Variants in PIK3C3 observed in about 807,000 individuals in gnomAD.
PIK3C3 encodes the protein PI3-kinase type 3.
A neutral mutation model predicts 126.1 loss-of-function variants in PIK3C3; 95 were observed. The observed-to-expected ratio is 0.75, with a 90% CI of 0.64 to 0.89. PIK3C3 has a LOEUF of 0.89. Among genes scored for constraint, PIK3C3 ranks in the 40% least tolerant of loss-of-function variants. PIK3C3 has a pLI of 0.00. For missense variants in PIK3C3, 829 were observed against 1,063.2 expected, an observed-to-expected ratio of 0.78 and a Z score of 3.06; for synonymous variants, 374 against 360.0, an observed-to-expected ratio of 1.04 and a Z score of -0.44.
intron 9 of PIK3C3, among the ~76,000 whole-genome samples, chr18:42,001,168 A>C (rs1982268513): frequency 6.6e-6 from 1 of 152,252 alleles, no homozygotes; most frequent in African/African-American, 2.4e-5. Flanking sequence ...ATAGTAACAC[A>C]TATAGTAAAG....
intron 3 of PIK3C3, among the ~76,000 whole-genome samples, chr18:41,968,551 T>G (rs1233921157): frequency 2.0e-5 from 3 of 152,218 alleles, no homozygotes; most frequent in Admixed American, 6.5e-5. Context: ...TTACTAGAAT[T>G]ATCTGTTTTA....
chr18:42,031,746 A>G (rs142274846), intron 15 of PIK3C3, among the ~76,000 whole-genome samples: 44 of 152,340 alleles, frequency 2.9e-4, no homozygotes, highest in African/African-American at 1.0e-3. Context: ...AAAATAAATT[A>G]ACACTTTCAC....
intron 1 of PIK3C3, 105 bp from the exon 2 acceptor site, chr18:41,957,465 T>C: frequency 9.2e-7 from 1 of 1,088,314 alleles, no homozygotes; most frequent in South Asian, 1.6e-5. Flanking sequence ...TACTTATGCA[T>C]ATATGTACAT....
intron 22 of PIK3C3, among the ~76,000 whole-genome samples, chr18:42,058,781 A>G (rs1007982604): frequency 5.3e-5 from 8 of 152,344 alleles, no homozygotes; most frequent in African/African-American, 1.9e-4. Context: ...AATTTAGGAC[A>G]TGGCTCTGAT....
rs536500378 is a variant in PIK3C3, at chr18:42,024,715, G to A, written c.1485-2728G>A. On this transcript the variant is annotated intron_variant, in intron 13 of 24. Transcript: ENST00000262039. Reference sequence around the variant, plus strand: ...CTCCCAAAGTGTTGGGATTGCAGGTGTGAACCACCACACCTGGCAGACTTG... The same window carrying A: ...CTCCCAAAGTGTTGGGATTGCAGGTATGAACCACCACACCTGGCAGACTTG... 3.9e-5 allele frequency among the ~76,000 whole-genome samples: 6 copies of A among 152,038 alleles called. No homozygotes were observed. In the East Asian group the frequency reaches 1.2e-3, roughly 30 times the overall value.
intron 4 of PIK3C3, among the ~76,000 whole-genome samples, chr18:41,981,669 G>T (rs549810609): frequency 5.0e-4 from 76 of 151,928 alleles, no homozygotes; most frequent in Middle Eastern, 3.4e-3. Context: ...ATAAATTACG[G>T]CATAGCTTGG....
At chr18:41,957,421 G>A in intron 1 of PIK3C3, 149 bp from the exon 2 acceptor site, 2 of 632,036 alleles carry the variant, frequency 3.2e-6, no homozygotes, top group Non-Finnish European at 5.1e-6. Context: ...TGTTGTTTAG[G>A]TAGCATACCT....
intron 22 of PIK3C3, among the ~76,000 whole-genome samples, chr18:42,064,252 A>C (rs1425189123): frequency 6.6e-6 from 1 of 152,122 alleles, no homozygotes; most frequent in Non-Finnish European, 1.5e-5. Flanking sequence ...TAGTTCCTGA[A>C]ATGATGATTG....
At chr18:42,078,069 C>T (rs772353147) in intron 24 of PIK3C3, among the ~76,000 whole-genome samples, 13 of 152,106 alleles carry the variant, frequency 8.5e-5, no homozygotes, top group Non-Finnish European at 1.9e-4. Flanking sequence ...TAGGCTTCAA[C>T]AGTGGGCTTA....
chr18:42,057,988 C>T lies in PIK3C3; in HGVS notation c.2369C>T (p.Thr790Ile), dbSNP rs1985147110. ...GAAATGGTAGAAGGAATGGGGGGCACACAGAGTGAGCAGTACCAAGAGTTC... is the reference window on the plus strand; with the variant it reads ...GAAATGGTAGAAGGAATGGGGGGCATACAGAGTGAGCAGTACCAAGAGTTC... ...NKEMVEGMGG[T>I]QSEQYQEFRK... Residue 790 changes from threonine to isoleucine, a missense_variant, in exon 22 of 25, where the codon ACA (threonine) becomes ATA (isoleucine). Coordinates refer to ENST00000262039, the MANE Select transcript of PIK3C3 (RefSeq NM_002647.4). 2.5e-6 allele frequency: 4 copies of T among 1,613,366 alleles called. No homozygotes were observed. The highest frequency in any genetic ancestry group is 3.4e-6 in the Non-Finnish European group (4 of 1,179,696).
Position 42,037,672 on chromosome 18 carries a change from T to G in PIK3C3, c.1840-20T>G, listed in dbSNP as rs1028768920. On this transcript the variant is annotated intron_variant, in intron 16 of 24. Transcript: ENST00000262039. ...CATTAATTCATGGCCAAATTTGAAA[T>G]CAATATTTTTATTTTCCAGAGTGCC... The G allele has an allele frequency of 1.6e-5, 26 of 1,594,742 alleles. No individual in the cohort carries two copies. Among genetic ancestry groups the G allele is most frequent in the Non-Finnish European group, 2.2e-5 (26 of 1,167,636 alleles).
chr18:41,957,267 T>A (rs1218602479), intron 1 of PIK3C3, among the ~76,000 whole-genome samples: 2 of 152,150 alleles, frequency 1.3e-5, no homozygotes, highest in African/African-American at 4.8e-5. Context: ...AGAGGGTAGA[T>A]CAAGGGTCAA....
chr18:42,001,576 C>A (rs1461606694), intron 9 of PIK3C3, among the ~76,000 whole-genome samples: 4 of 152,116 alleles, frequency 2.6e-5, no homozygotes, highest in Non-Finnish European at 5.9e-5. Context: ...TTCTTTGACT[C>A]CTTGTTTTCT....
chr18:41,992,356 G>C (rs1170178785), intron 6 of PIK3C3, among the ~76,000 whole-genome samples: 1 of 152,192 alleles, frequency 6.6e-6, no homozygotes, highest in Admixed American at 6.5e-5. Flanking sequence ...AACAACGGCT[G>C]TGGGAATTTG....
Position 42,005,725 on chromosome 18 carries a change from T to G in PIK3C3, c.1170+1184T>G, listed in dbSNP as rs934901657. On this transcript the variant is annotated intron_variant, in intron 10 of 24. Coordinates refer to ENST00000262039, the MANE Select transcript of PIK3C3 (RefSeq NM_002647.4). The stretch of plus-strand genomic sequence containing the variant: ...GGACAGTGAGATCATTTTGAATTAG[T>G]GGTATCTGAATTTCAAGAAGCAAAT... Among the ~76,000 whole-genome samples, 7 of 145,252 alleles carry G rather than the reference T, an allele frequency of 4.8e-5. No homozygotes were observed. The East Asian group carries it at 1.0e-3, about 22-fold the overall frequency.
intron 21 of PIK3C3, among the ~76,000 whole-genome samples, chr18:42,055,222 T>G (rs1985010700): frequency 6.6e-6 from 1 of 152,074 alleles, no homozygotes; most frequent in Non-Finnish European, 1.5e-5. Flanking sequence ...GCTTCGTACC[T>G]CCCCTCTCAT....
At chr18:41,992,351 C>T (rs186702570) in intron 6 of PIK3C3, among the ~76,000 whole-genome samples, 4 of 152,136 alleles carry the variant, frequency 2.6e-5, no homozygotes, top group East Asian at 1.9e-4. Flanking sequence ...TGTTAAACAA[C>T]GGCTGTGGGA....
chr18:42,057,581 C>T (rs515626), intron 21 of PIK3C3: 110,696 of 244,400 alleles, frequency 0.45, 27,377 homozygotes, highest in African/African-American at 0.7. Context: ...TAAAAAGTTA[C>T]CCAGGCTCTG....
intron 13 of PIK3C3, among the ~76,000 whole-genome samples, chr18:42,025,092 A>C (rs7237780): frequency 6.6e-6 from 1 of 151,908 alleles, no homozygotes; most frequent in Non-Finnish European, 1.5e-5. Flanking sequence ...GATTACAGGC[A>C]TGAGCCACCA....
Sources: gnomAD v4.1 joint callset for allele counts (sites outside exome capture counted in the v4.1 genomes callset) on GRCh38, gnomAD v4.1.1 for gene constraint, MANE v1.5 for transcripts, NCBI Gene and HGNC (gene_info 2026-07-23, HGNC 2026-07-21) for gene names.